The following SEMA6D variants were observed in gnomAD, a reference collection of about 807,000 sequenced individuals.
SEMA6D encodes semaphorin-6D.
SEMA6D carries 35 observed loss-of-function variants against 106.6 expected under a neutral mutation model. The ratio of observed to expected loss-of-function variants is 0.33; its 90% CI spans 0.25 to 0.44. The LOEUF (loss-of-function observed/expected upper bound fraction) is 0.44. Ranked by LOEUF, SEMA6D falls within the 20% of genes least tolerant of loss-of-function variation. SEMA6D has a pLI of 1.00. For synonymous variants in SEMA6D, 499 were observed against 487.7 expected, an observed-to-expected ratio of 1.02 and a Z score of -0.31; for missense variants, 1,185 against 1,345.9, an observed-to-expected ratio of 0.88 and a Z score of 1.87.
chr15:47,766,647 G>T lies in SEMA6D; in HGVS notation c.1678G>T (p.Gly560Cys). ...AGGATATGAACAAGACACAGAATTC[G>T]GCAACACAGCTCATCTAGGGGACTG... Reference protein sequence around the residue: ...AEGYEQDTEFGNTAHLGDCHE... With the variant: ...AEGYEQDTEFCNTAHLGDCHE... Residue 560 changes from glycine to cysteine, a missense_variant, in exon 16 of 19, where the codon GGC (glycine) becomes TGC (cysteine). Around this residue, in one of 3 missense-constraint regions of SEMA6D, gnomAD observed 750 missense variants for 783.5 expected, o/e 0.96. Transcript: ENST00000536845. The T allele has an allele frequency of 1.2e-6, 2 of 1,612,504 alleles. No homozygotes were observed. The highest frequency in any genetic ancestry group is 2.2e-5 in the South Asian group (2 of 90,978).
intron 4 of SEMA6D, among the ~76,000 whole-genome samples, chr15:47,651,082 T>G (rs1382359115): frequency 6.6e-6 from 1 of 152,156 alleles, no homozygotes; most frequent in East Asian, 1.9e-4. Flanking sequence ...CTATTTTCCT[T>G]TTCTCTTACT....
chr15:47,284,764 A>G (rs1447170396), intron 1 of SEMA6D, among the ~76,000 whole-genome samples: 1 of 152,222 alleles, frequency 6.6e-6, no homozygotes, highest in Non-Finnish European at 1.5e-5. Flanking sequence ...TTCTTAAAGT[A>G]TAACAACCGT....
intron 1 of SEMA6D, among the ~76,000 whole-genome samples, chr15:47,223,500 AT>A (rs765960334): frequency 6.6e-6 from 1 of 151,242 alleles, no homozygotes; most frequent in African/African-American, 2.4e-5. Flanking sequence ...CTTTTTAAGG[AT>A]TTTTTCTTTT....
chr15:47,444,477 G>T (rs375750508), intron 2 of SEMA6D, among the ~76,000 whole-genome samples: 2 of 99,150 alleles, frequency 2.0e-5, no homozygotes, highest in Non-Finnish European at 4.9e-5. Context: ...AAGGATGAAG[G>T]CTGCTTTGCT....
chr15:47,283,560 G>T (rs750643911), intron 1 of SEMA6D, among the ~76,000 whole-genome samples: 1 of 152,016 alleles, frequency 6.6e-6, no homozygotes, highest in Non-Finnish European at 1.5e-5. Flanking sequence ...CATTCTACCC[G>T]AAGTGGCCTG....
chr15:47,354,671 G>T (rs1188525659), intron 1 of SEMA6D, among the ~76,000 whole-genome samples: 8 of 151,888 alleles, frequency 5.3e-5, no homozygotes, highest in East Asian at 3.9e-4. Context: ...ATGAGGAGGG[G>T]TTAGTGTGCA....
Position 47,770,501 on chromosome 15 carries a change from A to T in SEMA6D, c.1938A>T (p.Val646=). 6.3e-7 allele frequency: 1 copy of T among 1,585,832 alleles called. No homozygotes were observed. The highest frequency in any genetic ancestry group is 8.6e-7 in the Non-Finnish European group (1 of 1,160,716). ...TDPLSGIPKG[V]RWEVQSGESN... ...TGTCCCATGTGTCTATTTCAGGTGT[A>T]CGATGGGAAGTCCAGTCTGGAGAGT... The change falls in exon 19 of 19, where the codon GTA becomes GTT. Residue 646 remains valine, a synonymous_variant. Transcript: ENST00000536845.
intron 1 of SEMA6D, among the ~76,000 whole-genome samples, chr15:47,409,891 C>T (rs115016915): frequency 0.022 from 2,891 of 132,514 alleles, 35 homozygotes; most frequent in African/African-American, 0.036. Context: ...AAACTATTTT[C>T]GGGGTTGTGG....
intron 2 of SEMA6D, among the ~76,000 whole-genome samples, chr15:47,454,414 T>G (rs2140963388): frequency 6.6e-6 from 1 of 152,064 alleles, no homozygotes; most frequent in African/African-American, 2.4e-5. Flanking sequence ...AACACCTTTG[T>G]TAAGCAAATT....
At chr15:47,754,990 C>T (rs568979077) in intron 1 of SEMA6D, among the ~76,000 whole-genome samples, 12 of 133,374 alleles carry the variant, frequency 9.0e-5, no homozygotes, top group Admixed American at 4.1e-4. Context: ...CTCGCTTTGT[C>T]GCCTAGGCTG....
At chr15:47,257,037 A>G (rs998768477) in intron 1 of SEMA6D, among the ~76,000 whole-genome samples, 1 of 150,482 alleles carries the variant, frequency 6.6e-6, no homozygotes, top group Non-Finnish European at 1.5e-5. Context: ...ATTAGGTAGA[A>G]TAACAGTGAG....
chr15:47,360,119 T>A (rs2038747436), intron 1 of SEMA6D: 1 of 152,186 alleles, frequency 6.6e-6, no homozygotes, highest in African/African-American at 2.4e-5. Flanking sequence ...TGTGACACAG[T>A]TAGCCATATC....
At chr15:47,513,850 G>A (rs762932663) in intron 3 of SEMA6D, among the ~76,000 whole-genome samples, 1 of 152,200 alleles carries the variant, frequency 6.6e-6, no homozygotes, top group East Asian at 1.9e-4. Context: ...ACATTGTAAT[G>A]CAGATTGTTG....
intron 2 of SEMA6D, among the ~76,000 whole-genome samples, chr15:47,440,042 G>T (rs774328970): frequency 4.6e-5 from 7 of 152,064 alleles, no homozygotes; most frequent in African/African-American, 7.2e-5. Flanking sequence ...CAAGTGGCTC[G>T]CATGCCGGAA....
rs185294464 is a variant in SEMA6D at position 47,688,049 on chromosome 15, G to A, written c.-54-71696G>A. Among the ~76,000 whole-genome samples the A allele has an allele frequency of 5.1e-4, 78 of 152,022 alleles. 1 individual carries two copies. The highest frequency in any genetic ancestry group is 4.7e-4 in the Non-Finnish European group (32 of 67,994). ...AATGAGGTCCAAACTAACTTAATGA[G>A]GTACATATTTGAGAATCAACATATA... On this transcript the variant is annotated intron_variant, in intron 4 of 19. Coordinates refer to the SEMA6D transcript ENST00000558014.
chr15:47,680,023 C>T (rs1338369684), intron 4 of SEMA6D, among the ~76,000 whole-genome samples: 1 of 152,098 alleles, frequency 6.6e-6, no homozygotes, highest in East Asian at 1.9e-4. Context: ...CATAGAATTG[C>T]CCCACTTACC....
chr15:47,428,605 C>G (rs2041423806), intron 2 of SEMA6D, among the ~76,000 whole-genome samples: 1 of 33,862 alleles, frequency 3.0e-5, no homozygotes, highest in Admixed American at 3.1e-4. Flanking sequence ...GAAGCCCTGT[C>G]TCTACTGAAA....
At chr15:47,307,805 G>T (rs900158628) in intron 1 of SEMA6D, among the ~76,000 whole-genome samples, 2 of 152,116 alleles carry the variant, frequency 1.3e-5, no homozygotes, top group Admixed American at 6.6e-5. Flanking sequence ...ATGACTGACT[G>T]TTACTTGCAG....
intron 1 of SEMA6D, among the ~76,000 whole-genome samples, chr15:47,741,450 C>T (rs2080808713): frequency 6.6e-6 from 1 of 152,252 alleles, no homozygotes; most frequent in East Asian, 1.9e-4. Flanking sequence ...GGCACAGTGG[C>T]TCACGCCTGT....
Sources: gnomAD v4.1 joint callset for allele counts (sites outside exome capture counted in the v4.1 genomes callset) on GRCh38, gnomAD v4.1.1 for gene constraint, gnomAD v4.1.1 regional missense constraint, MANE v1.5 for transcripts, NCBI Gene and HGNC (gene_info 2026-07-23, HGNC 2026-07-21) for gene names.